COL4A2: variants seen among roughly 807,000 people sequenced by gnomAD.
The protein encoded by COL4A2 is collagen alpha-2(IV) chain.
A neutral mutation model predicts 200.2 loss-of-function variants in COL4A2; 99 were observed. The ratio of observed to expected loss-of-function variants is 0.49; its 90% CI spans 0.42 to 0.58. COL4A2 has a LOEUF of 0.58. Among genes scored for constraint, COL4A2 ranks in the 20% least tolerant of loss-of-function variants. The probability of loss-of-function intolerance (pLI) is 0.00; values close to 1 mark genes in which losing one functional copy is unlikely to be tolerated. For synonymous variants in COL4A2, 897 were observed against 900.6 expected (o/e 1.00, Z 0.07); for missense variants, 1,950 against 2,314.1 (o/e 0.84, Z 3.23).
chr13:110,354,359 T>C (rs905367722), intron 3 of COL4A2, among the ~76,000 whole-genome samples: 7 of 152,218 alleles, frequency 4.6e-5, no homozygotes, highest in African/African-American at 1.7e-4. Flanking sequence ...TCTGGCTTAG[T>C]ATGGAGTTGG....
intron 4 of COL4A2, among the ~76,000 whole-genome samples, chr13:110,400,649 A>G (rs949428675): frequency 2.6e-5 from 4 of 152,240 alleles, no homozygotes; most frequent in African/African-American, 9.6e-5. Context: ...ATTGTAATCA[A>G]TGAAACCTGA....
chr13:110,469,946 G>A (rs1007932260), intron 28 of COL4A2, among the ~76,000 whole-genome samples: 4 of 114,724 alleles, frequency 3.5e-5, no homozygotes, highest in South Asian at 2.9e-4. Flanking sequence ...ATGGAATCTC[G>A]CTCTGTCACC....
intron 4 of COL4A2, among the ~76,000 whole-genome samples, chr13:110,389,183 C>T (rs4773174): frequency 0.2 from 31,146 of 152,156 alleles, 3,370 homozygotes; most frequent in Non-Finnish European, 0.23. Flanking sequence ...GTGGTGGCAG[C>T]GCTGGCAGCA....
At chr13:110,464,268 T>G (rs1882146013) in intron 24 of COL4A2, among the ~76,000 whole-genome samples, 1 of 152,014 alleles carries the variant, frequency 6.6e-6, no homozygotes, top group Admixed American at 6.5e-5. Context: ...GGAGCAGGGT[T>G]AGGGGTAGGG....
intron 3 of COL4A2, 77 bp from the exon 4 acceptor site, chr13:110,357,395 A>G: frequency 6.5e-7 from 1 of 1,535,190 alleles, no homozygotes. Context: ...AGGATTCTCA[A>G]CAGATGATAT....
chr13:110,392,197 C>T (rs913848080), intron 4 of COL4A2, among the ~76,000 whole-genome samples: 8 of 152,112 alleles, frequency 5.3e-5, no homozygotes, highest in Non-Finnish European at 1.0e-4. Context: ...AAAGAATCAT[C>T]AAGAAAACAA....
chr13:110,322,248 G>C (rs1221559428), intron 3 of COL4A2, among the ~76,000 whole-genome samples: 2 of 152,210 alleles, frequency 1.3e-5, no homozygotes, highest in East Asian at 3.9e-4. Flanking sequence ...GAGGCGGCCT[G>C]CCCGTGCCTC....
At chr13:110,469,089 CTGA>C (rs1330906141) in intron 27 of COL4A2, 125 bp from the exon 28 acceptor site, 1 of 1,047,376 alleles carries the variant, frequency 9.5e-7, no homozygotes, top group Non-Finnish European at 1.4e-6. Context: ...CTGTTTCAGG[CTGA>C]TATTCCCCCC....
intron 25 of COL4A2, among the ~76,000 whole-genome samples, 193 bp downstream of exon 25, chr13:110,465,799 C>T (rs1882217200): frequency 6.6e-6 from 1 of 152,224 alleles, no homozygotes; most frequent in Non-Finnish European, 1.5e-5. Context: ...CTGAAACATG[C>T]AGCCTCTCCT....
chr13:110,347,985 G>C (rs573238098), intron 3 of COL4A2, among the ~76,000 whole-genome samples: 2 of 152,230 alleles, frequency 1.3e-5, no homozygotes, highest in African/African-American at 4.8e-5. Flanking sequence ...TCAGGTATTC[G>C]TCTGGGAGAC....
chr13:110,399,989 A>G (rs1319777547), intron 4 of COL4A2, among the ~76,000 whole-genome samples: 1 of 152,248 alleles, frequency 6.6e-6, no homozygotes, highest in African/African-American at 2.4e-5. Flanking sequence ...AATTTGTTCC[A>G]TATTCACGAT....
Position 110,444,635 on chromosome 13 carries a change from C to T in COL4A2, c.958-1194C>T, listed in dbSNP as rs919022809. On this transcript the variant is annotated intron_variant, in intron 16 of 47. Transcript: ENST00000360467. ...CTGCTCCTGGGTGTCAAGATAACCT[C>T]GAAAGTAATCAGAGAATGGACCTTT... 2.6e-5 allele frequency among the ~76,000 whole-genome samples: 4 copies of T among 152,176 alleles called. No individual in the cohort carries two copies. In the South Asian group the frequency reaches 6.2e-4, roughly 24 times the overall value.
intron 8 of COL4A2, 70 bp from the exon 9 acceptor site, chr13:110,430,331 G>T: frequency 6.3e-7 from 1 of 1,581,766 alleles, no homozygotes. Context: ...TTCCAACTCT[G>T]CAATAAAAGG....
intron 3 of COL4A2, among the ~76,000 whole-genome samples, chr13:110,310,796 C>T (rs1884956191): frequency 6.6e-6 from 1 of 152,176 alleles, no homozygotes; most frequent in Admixed American, 6.5e-5. Flanking sequence ...TTGGGCACTT[C>T]CTGTGTGCCA....
chr13:110,396,674 C>T (rs958723130), intron 4 of COL4A2, among the ~76,000 whole-genome samples: 1 of 152,150 alleles, frequency 6.6e-6, no homozygotes, highest in Non-Finnish European at 1.5e-5. Flanking sequence ...CGTCATTAAA[C>T]CCCATGGCAG....
chr13:110,486,208 G>T (rs1883114260), intron 34 of COL4A2, among the ~76,000 whole-genome samples: 1 of 152,198 alleles, frequency 6.6e-6, no homozygotes, highest in Non-Finnish European at 1.5e-5. Flanking sequence ...GTAGACCTGG[G>T]CCCGGCAGCC....
chr13:110,417,871 A>G (rs1357976752), intron 4 of COL4A2, among the ~76,000 whole-genome samples: 1 of 150,494 alleles, frequency 6.6e-6, no homozygotes, highest in Non-Finnish European at 1.5e-5. Flanking sequence ...ATTCTCATAC[A>G]GGTCTCGGTG....
chr13:110,369,276 C>G (rs7318424), intron 4 of COL4A2, among the ~76,000 whole-genome samples: 59,102 of 152,006 alleles, frequency 0.39, 11,679 homozygotes, highest in South Asian at 0.56. Flanking sequence ...TTGACCATTC[C>G]TAATCCAAAA....
chr13:110,391,824 C>A (rs1594187872), intron 4 of COL4A2, among the ~76,000 whole-genome samples: 2 of 152,212 alleles, frequency 1.3e-5, no homozygotes, highest in South Asian at 4.1e-4. Context: ...CCACTGCATT[C>A]TTCAGTGTTC....
Sources: gnomAD v4.1 joint callset for allele counts (sites outside exome capture counted in the v4.1 genomes callset) on GRCh38, gnomAD v4.1.1 for gene constraint, MANE v1.5 for transcripts, NCBI Gene and HGNC (gene_info 2026-07-23, HGNC 2026-07-21) for gene names.